Variants in SEPTIN9 observed in about 807,000 individuals in gnomAD.
The protein encoded by SEPTIN9 is septin 9, also known as septin-9.
In SEPTIN9, 13 loss-of-function variants were observed where a neutral mutation model predicts 56.6. That is an observed-to-expected ratio of 0.23 (90% CI 0.15 to 0.37). The LOEUF (loss-of-function observed/expected upper bound fraction) is 0.37, where lower values mean the gene tolerates loss of function less well. Among genes scored for constraint, SEPTIN9 ranks in the 10% least tolerant of loss-of-function variants. The pLI, the probability that SEPTIN9 is intolerant of heterozygous loss-of-function variation, is 1.00. For missense variants in SEPTIN9, 650 were observed against 823.1 expected, an observed-to-expected ratio of 0.79 and a Z score of 2.57; for synonymous variants, 332 against 334.1, an observed-to-expected ratio of 0.99 and a Z score of 0.07.
At chr17:77,365,897 G>A (rs1598260111) in intron 2 of SEPTIN9, among the ~76,000 whole-genome samples, 2 of 152,152 alleles carry the variant, frequency 1.3e-5, no homozygotes, top group Admixed American at 6.5e-5. Context: ...TGCTGACGTG[G>A]AACTAGGGCA....
chr17:77,296,462 C>G (rs2031818168), intron 1 of SEPTIN9, among the ~76,000 whole-genome samples: 1 of 151,878 alleles, frequency 6.6e-6, no homozygotes, highest in Non-Finnish European at 1.5e-5. Context: ...TAGAGACAGA[C>G]AGACACAAAC....
chr17:77,430,478 G>T (rs968518853), intron 3 of SEPTIN9, among the ~76,000 whole-genome samples: 2 of 152,072 alleles, frequency 1.3e-5, no homozygotes, highest in Non-Finnish European at 2.9e-5. Context: ...TACAGCCAGC[G>T]GCCGATCACT....
intron 3 of SEPTIN9, among the ~76,000 whole-genome samples, chr17:77,423,697 G>T (rs935410304): frequency 2.0e-5 from 3 of 152,232 alleles, no homozygotes; most frequent in African/African-American, 7.2e-5. Flanking sequence ...TGCCCCCGTC[G>T]CGTTCCTGCT....
Position 77,450,467 on chromosome 17 carries a change from C to T in SEPTIN9, c.722-31677C>T, listed in dbSNP as rs899778553. ...CCCAGCCCCCAGCAAGCCCTCGGAA[C>T]GAGCCCACTCCCAGGCGCTCTCTCC... On this transcript the variant is annotated intron_variant, in intron 3 of 11. Coordinates refer to ENST00000427177, the MANE Select transcript of SEPTIN9 (RefSeq NM_001113491.2). This position sits in a 1 kb window ranked among gnomAD's most constrained non-coding sequence, Gnocchi z 6.0. The T allele has an allele frequency of 1.7e-4, 170 of 985,098 alleles. No homozygotes were observed. The highest frequency in any genetic ancestry group is 1.9e-4 in the Non-Finnish European group (156 of 829,764). 61.0% of individuals were successfully genotyped at this position (985,098 alleles called of 1,614,324 possible).
chr17:77,424,703 T>C (rs749673586), intron 3 of SEPTIN9, among the ~76,000 whole-genome samples: 1 of 152,242 alleles, frequency 6.6e-6, no homozygotes, highest in Non-Finnish European at 1.5e-5. Context: ...GGCAAGCCAT[T>C]TTATGACTCA....
chr17:77,383,805 C>T (rs1175418435), intron 2 of SEPTIN9, among the ~76,000 whole-genome samples: 1 of 152,212 alleles, frequency 6.6e-6, no homozygotes, highest in East Asian at 1.9e-4. Flanking sequence ...CGCGATGGCC[C>T]AGCGTGCCGG....
intron 3 of SEPTIN9, among the ~76,000 whole-genome samples, chr17:77,430,237 C>T (rs571613997): frequency 7.2e-5 from 11 of 152,280 alleles, no homozygotes; most frequent in African/African-American, 1.7e-4. Flanking sequence ...CTGCCCGAGC[C>T]GTGACCTGTC....
intron 3 of SEPTIN9, among the ~76,000 whole-genome samples, chr17:77,470,343 C>T (rs2038936713): frequency 6.6e-6 from 1 of 151,676 alleles, no homozygotes; most frequent in Non-Finnish European, 1.5e-5. Context: ...CTCATCTATC[C>T]ATCCACTCAT....
intron 2 of SEPTIN9, among the ~76,000 whole-genome samples, chr17:77,308,160 A>G (rs887040086): frequency 6.6e-6 from 1 of 152,200 alleles, no homozygotes. Flanking sequence ...TCACCTGTGC[A>G]TATGTGCTGG....
At position 77,475,407 on chromosome 17, in the gene SEPTIN9, G is replaced by A. The variant is rs975716208; in HGVS notation, c.722-6737G>A. ...AGGAGAGGAGGAGGGAGCAGCCCTG[G>A]CCGGACACTGTCCTCCTAGCATTGC... On this transcript the variant is annotated intron_variant, in intron 3 of 11. Coordinates refer to ENST00000427177, the MANE Select transcript of SEPTIN9 (RefSeq NM_001113491.2). This position sits in a 1 kb window ranked among gnomAD's most constrained non-coding sequence, Gnocchi z 4.6. 4 of 1,459,922 alleles carry A rather than the reference G, an allele frequency of 2.7e-6. No homozygotes were observed. The highest frequency in any genetic ancestry group is 2.7e-6 in the Non-Finnish European group (3 of 1,113,208). The allele number at this position is 1,459,922 out of a possible 1,614,324, so 90.4% of individuals were successfully genotyped here.
At chr17:77,392,967 A>G (rs1271489577) in intron 2 of SEPTIN9, among the ~76,000 whole-genome samples, 1 of 150,808 alleles carries the variant, frequency 6.6e-6, no homozygotes, top group Admixed American at 6.6e-5. Context: ...CCTCCCCATC[A>G]CCCCAACTGT....
intron 1 of SEPTIN9, among the ~76,000 whole-genome samples, chr17:77,301,515 C>T (rs2032056831): frequency 6.6e-6 from 1 of 152,164 alleles, no homozygotes; most frequent in South Asian, 2.1e-4. Flanking sequence ...ACCTCCGCCT[C>T]TCGGGCTCAA....
intron 2 of SEPTIN9, among the ~76,000 whole-genome samples, chr17:77,366,209 G>A (rs1475931132): frequency 6.6e-6 from 1 of 152,208 alleles, no homozygotes; most frequent in Non-Finnish European, 1.5e-5. Flanking sequence ...GGAAGGGTCA[G>A]AGGGTTTTTT....
chr17:77,366,348 G>C (rs2034570787), intron 2 of SEPTIN9, among the ~76,000 whole-genome samples: 1 of 152,212 alleles, frequency 6.6e-6, no homozygotes, highest in South Asian at 2.1e-4. Context: ...AGTAGGAACA[G>C]GAGTAGGAGG....
In SEPTIN9 at chr17:77,499,597, A is replaced by G. The variant is rs74779723; in HGVS notation, c.*939A>G. ...GTGGGCCGTGGCTTGGGCTGGTCAG[A>G]GTGGCGTGAGCTGCCCGGCGCCTGC... On this transcript the variant is annotated 3_prime_UTR_variant, in exon 12 of 12. Transcript: ENST00000427177. 7.1e-3 allele frequency: 3,139 copies of G among 439,700 alleles called. 88 individuals carry two copies. Among genetic ancestry groups the G allele is most frequent in the African/African-American group, 0.057 (2,893 of 50,730 alleles). The allele number at this position is 439,700 out of a possible 1,614,324, so 27.2% of individuals were successfully genotyped here.
chr17:77,305,806 T>C (rs1477940839), intron 1 of SEPTIN9, among the ~76,000 whole-genome samples: 2 of 150,156 alleles, frequency 1.3e-5, no homozygotes, highest in Admixed American at 1.3e-4. Flanking sequence ...CTGCCTCCGC[T>C]CTGAGCCTTT....
rs945402147 is a variant in SEPTIN9 at position 77,487,340 on chromosome 17, G to C, written c.914-84G>C. ...GCTGAATCTCAGACTGGAGAGCCTC[G>C]TGCCTGGGTGGGAGGGGCCCCATGT... is the stretch of plus-strand genomic sequence containing the variant. On this transcript the variant is annotated intron_variant, in intron 4 of 11. Coordinates refer to ENST00000427177, the MANE Select transcript of SEPTIN9 (RefSeq NM_001113491.2). This position sits in a 1 kb window ranked among gnomAD's most constrained non-coding sequence, Gnocchi z 4.3. The C allele has an allele frequency of 1.2e-5, 17 of 1,449,932 alleles. No individual in the cohort carries two copies. The highest frequency in any genetic ancestry group is 1.5e-5 in the Non-Finnish European group (16 of 1,057,840). The allele number at this position is 1,449,932 out of a possible 1,614,324, so 89.8% of individuals were successfully genotyped here.
intron 2 of SEPTIN9, among the ~76,000 whole-genome samples, chr17:77,388,287 C>T (rs1219735407): frequency 6.6e-6 from 1 of 152,178 alleles, no homozygotes; most frequent in Non-Finnish European, 1.5e-5. Flanking sequence ...AGCCAGGCAG[C>T]CCGTCTTCTG....
chr17:77,444,824 TG>T (rs763667916), intron 3 of SEPTIN9: 8 of 261,298 alleles, frequency 3.1e-5, no homozygotes, highest in Non-Finnish European at 6.2e-5. Flanking sequence ...AAGAAGTAAG[TG>T]GGCGGTGGGA....
Sources: gnomAD v4.1 joint callset for allele counts (sites outside exome capture counted in the v4.1 genomes callset) on GRCh38, gnomAD v4.1.1 for gene constraint, Gnocchi (gnomAD v3.1) non-coding constraint, MANE v1.5 for transcripts, NCBI Gene and HGNC (gene_info 2026-07-23, HGNC 2026-07-21) for gene names.